PDE7B: variants seen among roughly 807,000 people sequenced by gnomAD.
PDE7B encodes 3',5'-cyclic-AMP phosphodiesterase 7B.
In PDE7B, 29 loss-of-function variants were observed where a neutral mutation model predicts 56.2. The observed-to-expected ratio is 0.52, with a 90% CI of 0.38 to 0.70. The LOEUF (loss-of-function observed/expected upper bound fraction) is 0.70. Among genes scored for constraint, PDE7B ranks in the 30% least tolerant of loss-of-function variants. The pLI is 0.00. For synonymous variants in PDE7B, 197 were observed against 196.9 expected, an observed-to-expected ratio of 1.00 and a Z score of 0.00; for missense variants, 490 against 565.0, an observed-to-expected ratio of 0.87 and a Z score of 1.35.
intron 2 of PDE7B, among the ~76,000 whole-genome samples, chr6:136,030,539 A>G (rs754465673): frequency 6.6e-6 from 1 of 152,170 alleles, no homozygotes. Context: ...ACCATTAGCC[A>G]CTGGCTACAG....
intron 2 of PDE7B, among the ~76,000 whole-genome samples, chr6:136,002,381 C>T (rs1210769463): frequency 5.3e-5 from 8 of 152,122 alleles, no homozygotes; most frequent in Non-Finnish European, 1.0e-4. Flanking sequence ...GGACTAAATG[C>T]TCCAATTAAA....
chr6:136,052,298 T>C (rs1776643284), intron 2 of PDE7B, among the ~76,000 whole-genome samples: 1 of 152,214 alleles, frequency 6.6e-6, no homozygotes, highest in African/African-American at 2.4e-5. Flanking sequence ...AAATGATTAC[T>C]ACATTCATTA....
intron 2 of PDE7B, among the ~76,000 whole-genome samples, chr6:135,951,254 G>T (rs879625327): frequency 6.6e-6 from 1 of 152,086 alleles, no homozygotes; most frequent in Non-Finnish European, 1.5e-5. Context: ...TTTCACTCAA[G>T]TTCAAATTGG....
At chr6:135,956,457 G>T (rs1774795773) in intron 2 of PDE7B, among the ~76,000 whole-genome samples, 1 of 152,138 alleles carries the variant, frequency 6.6e-6, no homozygotes, top group South Asian at 2.1e-4. Context: ...AGGCCACAGG[G>T]AGCTGAGGGC....
intron 1 of PDE7B, among the ~76,000 whole-genome samples, chr6:135,861,472 T>A (rs1259065330): frequency 6.6e-6 from 1 of 150,566 alleles, no homozygotes; most frequent in East Asian, 1.9e-4. Flanking sequence ...TTGTCAAGTC[T>A]CTGATCAAGT....
chr6:135,884,065 T>A (rs1048056593), intron 1 of PDE7B, among the ~76,000 whole-genome samples: 10 of 152,228 alleles, frequency 6.6e-5, no homozygotes, highest in African/African-American at 2.4e-4. Context: ...AAGCTTAGTA[T>A]GTATAAATAA....
At chr6:136,086,204 T>C in intron 2 of PDE7B, among the ~76,000 whole-genome samples, 1 of 152,208 alleles carries the variant, frequency 6.6e-6, no homozygotes, top group African/African-American at 2.4e-5. Context: ...ATAACTCCTG[T>C]GCTTGGCGAA....
chr6:136,004,553 C>T (rs1273961425), intron 2 of PDE7B, among the ~76,000 whole-genome samples: 1 of 151,742 alleles, frequency 6.6e-6, no homozygotes, highest in Non-Finnish European at 1.5e-5. Flanking sequence ...TTCTTATACA[C>T]CAATAACAGA....
intron 2 of PDE7B, among the ~76,000 whole-genome samples, chr6:136,063,504 G>A (rs909451209): frequency 6.6e-6 from 1 of 152,182 alleles, no homozygotes; most frequent in African/African-American, 2.4e-5. Context: ...TACTGCAGTA[G>A]TCCCCTACCT....
At position 136,154,097 on chromosome 6, in the gene PDE7B, C is replaced by T. The variant is rs751085439; in HGVS notation, c.501C>T (p.His167=). ...CAGTCATGGTTCAAGAAGATTACCA[C>T]AGCCAAAACCCGTATCACAATGCTG... ...RFLVMVQEDY[H]SQNPYHNAVH... is the part of the protein sequence containing the mutation. Residue 167 remains histidine, a synonymous_variant, in exon 7 of 13, where the codon CAC becomes CAT. Transcript: ENST00000308191. 6.2e-7 allele frequency: 1 copy of T among 1,613,730 alleles called. No individual in the cohort carries two copies. The highest frequency in any genetic ancestry group is 2.2e-5 in the East Asian group (1 of 44,846).
At chr6:135,928,335 C>A (rs113395494) in intron 1 of PDE7B, among the ~76,000 whole-genome samples, 5,095 of 149,648 alleles carry the variant, frequency 0.034, 250 homozygotes, top group African/African-American at 0.11. Flanking sequence ...AAGGCACATA[C>A]ACTCATATGT....
At chr6:135,954,364 T>A (rs974262006) in intron 2 of PDE7B, among the ~76,000 whole-genome samples, 2 of 152,024 alleles carry the variant, frequency 1.3e-5, no homozygotes, top group African/African-American at 4.8e-5. Context: ...ATCTCTCGAG[T>A]GTGTCAAAGA....
chr6:135,985,595 C>T (rs1775364285), intron 2 of PDE7B, among the ~76,000 whole-genome samples: 1 of 152,184 alleles, frequency 6.6e-6, no homozygotes, highest in African/African-American at 2.4e-5. Context: ...TGAACAACTT[C>T]CTGTCATCTA....
chr6:136,017,185 A>G (rs923951527), intron 2 of PDE7B, among the ~76,000 whole-genome samples: 11 of 152,342 alleles, frequency 7.2e-5, no homozygotes, highest in African/African-American at 2.6e-4. Context: ...CATTCATAGA[A>G]CTAGAAATTT....
intron 2 of PDE7B, among the ~76,000 whole-genome samples, chr6:136,080,049 A>G (rs747990033): frequency 6.6e-5 from 10 of 152,220 alleles, no homozygotes; most frequent in Non-Finnish European, 1.0e-4. Context: ...ATCTTACGCT[A>G]TCACGAGGAG....
chr6:135,852,339 T>C (rs986249377), intron 1 of PDE7B, among the ~76,000 whole-genome samples: 3 of 152,190 alleles, frequency 2.0e-5, no homozygotes, highest in African/African-American at 7.2e-5. Context: ...CAATATTTTT[T>C]TTCTCCAACA....
At chr6:136,050,378 A>G (rs1409689936) in intron 2 of PDE7B, among the ~76,000 whole-genome samples, 1 of 151,644 alleles carries the variant, frequency 6.6e-6, no homozygotes, top group Non-Finnish European at 1.5e-5. Context: ...CATTGCCTGC[A>G]ATGTACTAAA....
At chr6:135,981,265 C>T (rs1021931090) in intron 2 of PDE7B, among the ~76,000 whole-genome samples, 1 of 125,370 alleles carries the variant, frequency 8.0e-6, no homozygotes, top group African/African-American at 3.1e-5. Flanking sequence ...AGGGGAACAT[C>T]ACACTGTGGG....
rs1465694850 is a variant in PDE7B at position 136,193,915 on chromosome 6, T to C, written c.*2075T>C. On this transcript the variant is annotated 3_prime_UTR_variant, in exon 13 of 13. Transcript: ENST00000308191. ...AAGATCTTATGAAATAGGTGGATGG[T>C]AAGTTGAAATTATTGATGTGGGTAA... 1.3e-5 allele frequency: 2 copies of C among 152,192 alleles called. No homozygotes were observed. Among genetic ancestry groups the C allele is most frequent in the African/African-American group, 4.8e-5 (2 of 41,446 alleles). The allele number at this position is 152,192 out of a possible 1,614,324, so 9.4% of individuals were successfully genotyped here. A position where few individuals can be genotyped will look rare whatever the true frequency, so the allele number is the denominator to read the frequency against.
Sources: gnomAD v4.1 joint callset for allele counts (sites outside exome capture counted in the v4.1 genomes callset) on GRCh38, gnomAD v4.1.1 for gene constraint, MANE v1.5 for transcripts, NCBI Gene and HGNC (gene_info 2026-07-23, HGNC 2026-07-21) for gene names.